PCDH15: variants seen among roughly 807,000 people sequenced by gnomAD.
PCDH15 encodes the protein protocadherin-15.
A neutral mutation model predicts 178.5 loss-of-function variants in PCDH15; 129 were observed. That is an observed-to-expected ratio of 0.72 (90% CI 0.63 to 0.84). PCDH15 has a LOEUF of 0.84. PCDH15 is among the 40% of genes least tolerant of loss of function. PCDH15 has a pLI of 0.00. For missense variants in PCDH15, 2,230 were observed against 2,099.9 expected (o/e 1.06, Z -1.21); for synonymous variants, 800 against 732.0 (o/e 1.09, Z -1.50).
intron 3 of PCDH15, among the ~76,000 whole-genome samples, chr10:54,860,132 C>A (rs1435469177): frequency 2.0e-5 from 3 of 151,898 alleles, no homozygotes; most frequent in Admixed American, 6.6e-5. Flanking sequence ...TTTCCTTGTT[C>A]TACTGAGTTT....
intron 27 of PCDH15, among the ~76,000 whole-genome samples, chr10:53,858,143 T>A (rs1297740494): frequency 6.6e-6 from 1 of 152,198 alleles, no homozygotes; most frequent in Non-Finnish European, 1.5e-5. Flanking sequence ...CCATATATTA[T>A]CATGCACATA....
At chr10:55,517,545 T>C (rs1203202099) in intron 2 of PCDH15, among the ~76,000 whole-genome samples, 1 of 152,102 alleles carries the variant, frequency 6.6e-6, no homozygotes, top group African/African-American at 2.4e-5. Flanking sequence ...AATAAGCTGG[T>C]AGAAGAAATA....
intron 1 of PCDH15, among the ~76,000 whole-genome samples, chr10:54,670,921 CA>C (rs1377867826): frequency 2.6e-5 from 4 of 151,940 alleles, no homozygotes; most frequent in African/African-American, 7.2e-5. Flanking sequence ...AAAATAACTC[CA>C]AATTAGGAGA....
chr10:54,686,004 T>C (rs908086419), intron 1 of PCDH15, among the ~76,000 whole-genome samples: 2 of 151,534 alleles, frequency 1.3e-5, no homozygotes, highest in Non-Finnish European at 2.9e-5. Context: ...TTCTAATTTT[T>C]GCATGGAAAT....
intron 2 of PCDH15, among the ~76,000 whole-genome samples, chr10:54,911,559 TG>T (rs1223003993): frequency 1.3e-5 from 2 of 152,244 alleles, no homozygotes; most frequent in African/African-American, 4.8e-5. Flanking sequence ...TTTAACTTTT[TG>T]CCAAATGTTT....
intron 1 of PCDH15, among the ~76,000 whole-genome samples, chr10:55,278,565 T>G (rs1842652220): frequency 6.6e-6 from 1 of 152,130 alleles, no homozygotes; most frequent in Non-Finnish European, 1.5e-5. Context: ...AAGCTTGTTA[T>G]GTTCAGACAA....
intron 1 of PCDH15, among the ~76,000 whole-genome samples, chr10:55,280,437 C>A (rs1233851215): frequency 6.8e-5 from 10 of 146,580 alleles, no homozygotes; most frequent in African/African-American, 2.6e-4. Context: ...TGACACTGCA[C>A]CCAGCTATTT....
intron 8 of PCDH15, among the ~76,000 whole-genome samples, chr10:54,309,123 C>T (rs1219933666): frequency 6.6e-6 from 1 of 151,954 alleles, no homozygotes; most frequent in East Asian, 1.9e-4. Context: ...TGAGGATATA[C>T]TTTAATATTT....
At chr10:54,099,513 A>AAAAATATATATAT (rs1347306483) in intron 15 of PCDH15, among the ~76,000 whole-genome samples, 24 of 117,870 alleles carry the variant, frequency 2.0e-4, no homozygotes, top group African/African-American at 8.8e-4. Flanking sequence ...AAAAAAAAAA[A>AAAAATATATATAT]ATATATATAT....
At chr10:54,440,197 T>G (rs912097622) in intron 3 of PCDH15, among the ~76,000 whole-genome samples, 92 of 152,118 alleles carry the variant, frequency 6.0e-4, no homozygotes, top group African/African-American at 2.2e-3. Flanking sequence ...ATGCTGTGCT[T>G]AATGAACGGA....
chr10:54,080,096 T>TTGTATTAGAATTCA (rs2094412798), intron 16 of PCDH15, among the ~76,000 whole-genome samples: 1 of 152,016 alleles, frequency 6.6e-6, no homozygotes, highest in Non-Finnish European at 1.5e-5. Flanking sequence ...GAAAATATAA[T>TTGTATTAGAATTCA]TGTATTAGAA....
At chr10:54,805,736 A>G (rs1952768627), upstream of PCDH15, among the ~76,000 whole-genome samples, 1 of 152,170 alleles carries the variant, frequency 6.6e-6, no homozygotes, top group African/African-American at 2.4e-5. Context: ...GAGAAAAGCA[A>G]TTTGGGATAT....
chr10:55,444,065 A>G (rs1839259279), intron 2 of PCDH15, among the ~76,000 whole-genome samples: 1 of 151,720 alleles, frequency 6.6e-6, no homozygotes, highest in Admixed American at 6.6e-5. Context: ...GTCCTCACTC[A>G]TAAGTGGGAG....
At chr10:54,290,570 T>C (rs118188758) in intron 8 of PCDH15, among the ~76,000 whole-genome samples, 1 of 152,282 alleles carries the variant, frequency 6.6e-6, no homozygotes, top group Non-Finnish European at 1.5e-5. Context: ...GTAAATGGGC[T>C]AAATGTCCTA....
At chr10:55,481,783 TA>T (rs1453901018) in intron 2 of PCDH15, among the ~76,000 whole-genome samples, 36 of 151,824 alleles carry the variant, frequency 2.4e-4, no homozygotes, top group Non-Finnish European at 1.6e-4. Flanking sequence ...GTAAGTTCCA[TA>T]TGCCAATGAG....
At chr10:55,330,737 C>T (rs997166281) in intron 2 of PCDH15, among the ~76,000 whole-genome samples, 3 of 151,628 alleles carry the variant, frequency 2.0e-5, no homozygotes, top group Admixed American at 6.6e-5. Context: ...ACCAGATAAG[C>T]TTAGCTTTTT....
chr10:54,453,731 A>G (rs183080862), intron 3 of PCDH15, among the ~76,000 whole-genome samples: 1 of 152,090 alleles, frequency 6.6e-6, no homozygotes, highest in East Asian at 1.9e-4. Flanking sequence ...AAGGTCATGC[A>G]AAGAAGGAGG....
intron 13 of PCDH15, among the ~76,000 whole-genome samples, chr10:54,174,538 G>T (rs971497550): frequency 4.0e-5 from 6 of 151,576 alleles, no homozygotes; most frequent in African/African-American, 1.5e-4. Context: ...AAGAAAAAAA[G>T]AAAAACAGGT....
At chr10:54,238,930 G>C (rs950366242) in intron 8 of PCDH15, among the ~76,000 whole-genome samples, 3 of 152,040 alleles carry the variant, frequency 2.0e-5, no homozygotes, top group African/African-American at 7.2e-5. Flanking sequence ...TAAATCTGCA[G>C]TAATTTTTCC....
Sources: allele counts gnomAD v4.1 joint callset (sites outside exome capture counted in the v4.1 genomes callset), GRCh38; gene constraint gnomAD v4.1.1; transcripts MANE v1.5; gene names NCBI Gene and HGNC (gene_info 2026-07-23, HGNC 2026-07-21).